OTUD7A: variants seen among roughly 807,000 people sequenced by gnomAD.
OTUD7A encodes OTU domain-containing protein 7A.
A neutral mutation model predicts 65.7 loss-of-function variants in OTUD7A; 12 were observed. The observed-to-expected ratio is 0.18, with a 90% CI of 0.12 to 0.30. The LOEUF is 0.30. Among genes scored for constraint, OTUD7A ranks in the 10% least tolerant of loss-of-function variants. OTUD7A has a pLI of 1.00. For missense variants in OTUD7A, 1,148 were observed against 1,304.8 expected (o/e 0.88, Z 1.85); for synonymous variants, 641 against 586.3 (o/e 1.09, Z -1.35).
rs922638295 is a variant in OTUD7A at position 31,503,612 on chromosome 15, G to C, written c.1021+79C>G. Reference sequence around the variant, plus strand: ...TTGTGGCCTCTGGGAGCTCGACCTTGTGCTGTGCTATCTGCTTTCTAGCTG... The same window carrying C: ...TTGTGGCCTCTGGGAGCTCGACCTTCTGCTGTGCTATCTGCTTTCTAGCTG... On this transcript the variant is annotated intron_variant, in intron 9 of 12. Transcript: ENST00000307050. 9.4e-5 allele frequency: 148 copies of C among 1,580,144 alleles called. No homozygotes were observed. The African/African-American group carries it at 1.9e-3, about 20-fold the overall frequency.
intron 8 of OTUD7A, among the ~76,000 whole-genome samples, chr15:31,521,068 G>T (rs937264288): frequency 1.6e-4 from 25 of 152,194 alleles, no homozygotes; most frequent in African/African-American, 6.0e-4. Context: ...ATAGCTGGGG[G>T]CTAAACAACG....
intron 3 of OTUD7A, among the ~76,000 whole-genome samples, chr15:31,622,497 G>T (rs1202792961): frequency 6.6e-6 from 1 of 151,956 alleles, no homozygotes; most frequent in African/African-American, 2.4e-5. Context: ...TTCTCTTCTT[G>T]CTTCATATCA....
In OTUD7A at chr15:31,566,195, GA is replaced by G. The variant is rs67409184; in HGVS notation, c.331+3822del. 8.4e-3 allele frequency among the ~76,000 whole-genome samples: 893 copies of G among 105,900 alleles called. 3 individuals are homozygous for G. The highest frequency in any genetic ancestry group is 0.017 in the South Asian group (47 of 2,760). The allele number at this position is 105,900 out of a possible 152,430, so 69.5% of individuals were successfully genotyped here. A position where few individuals can be genotyped will look rare whatever the true frequency, so the allele number is the denominator to read the frequency against. On this transcript the variant is annotated intron_variant, in intron 4 of 12. Coordinates refer to ENST00000307050, the MANE Select transcript of OTUD7A (RefSeq NM_001382637.1). The stretch of plus-strand genomic sequence containing the variant: ...GACAGAGTGAGACTCCATCTCAAAA[GA>G]AAAAAAAAAAAAAAAGAATATATTT...
intron 3 of OTUD7A, among the ~76,000 whole-genome samples, chr15:31,627,265 G>A (rs377200764): frequency 1.5e-3 from 164 of 106,936 alleles, no homozygotes; most frequent in Middle Eastern, 0.021. Context: ...AACAGTCCCC[G>A]GAGTGTGATG....
intron 5 of OTUD7A, 32 bp downstream of exon 5, chr15:31,558,937 A>C: frequency 6.2e-7 from 1 of 1,608,266 alleles, no homozygotes; most frequent in Non-Finnish European, 8.5e-7. Flanking sequence ...CCAAGCCTAA[A>C]GAGGGTGGGC....
chr15:31,597,280 T>C (rs562438961), intron 3 of OTUD7A, among the ~76,000 whole-genome samples: 25 of 152,174 alleles, frequency 1.6e-4, no homozygotes, highest in Non-Finnish European at 3.7e-4. Flanking sequence ...TTGGTGAAAT[T>C]CAATTCATCA....
intron 1 of OTUD7A, among the ~76,000 whole-genome samples, chr15:31,728,623 C>T (rs576084742): frequency 6.6e-6 from 1 of 152,320 alleles, no homozygotes; most frequent in African/African-American, 2.4e-5. Flanking sequence ...CCTCCTTGGC[C>T]CAGAATCTTT....
chr15:31,730,681 A>G (rs1894015864), intron 1 of OTUD7A, among the ~76,000 whole-genome samples: 1 of 152,202 alleles, frequency 6.6e-6, no homozygotes, highest in Non-Finnish European at 1.5e-5. Flanking sequence ...TTAAATCCCA[A>G]TGCTACTATT....
intron 3 of OTUD7A, among the ~76,000 whole-genome samples, chr15:31,609,451 C>T (rs905954545): frequency 2.0e-5 from 3 of 152,058 alleles, no homozygotes; most frequent in Non-Finnish European, 4.4e-5. Flanking sequence ...ACCGAATTGC[C>T]CCACTTCCCT....
At chr15:31,545,434 T>G (rs886505188) in intron 5 of OTUD7A, among the ~76,000 whole-genome samples, 3 of 152,084 alleles carry the variant, frequency 2.0e-5, no homozygotes, top group Admixed American at 6.6e-5. Context: ...TTAGTCATGA[T>G]CTTCTGTTCA....
intron 1 of OTUD7A, among the ~76,000 whole-genome samples, chr15:31,834,296 C>A (rs1305785884): frequency 1.3e-5 from 2 of 152,224 alleles, no homozygotes; most frequent in Non-Finnish European, 2.9e-5. Context: ...AGGAACAGAA[C>A]AGGAAGCTCC....
chr15:31,542,465 A>T (rs1188119515), intron 5 of OTUD7A, among the ~76,000 whole-genome samples: 1 of 152,096 alleles, frequency 6.6e-6, no homozygotes, highest in African/African-American at 2.4e-5. Context: ...AAGATAAGTA[A>T]GAAGCAACAA....
chr15:31,777,886 T>C (rs1230075692), intron 1 of OTUD7A, among the ~76,000 whole-genome samples: 1 of 152,098 alleles, frequency 6.6e-6, no homozygotes, highest in East Asian at 1.9e-4. Context: ...GCGGCTGCAT[T>C]TGCAAGCACC....
chr15:31,770,238 TGC>T (rs1895198344), intron 1 of OTUD7A, among the ~76,000 whole-genome samples: 2 of 152,122 alleles, frequency 1.3e-5, no homozygotes, highest in African/African-American at 4.8e-5. Context: ...GAGGGGACAC[TGC>T]TATCAAAACT....
intron 8 of OTUD7A, among the ~76,000 whole-genome samples, chr15:31,508,946 C>T (rs934071450): frequency 1.3e-5 from 2 of 152,196 alleles, no homozygotes; most frequent in Non-Finnish European, 2.9e-5. Context: ...CTTATTCGGC[C>T]GCCCTCGGGC....
intron 8 of OTUD7A, among the ~76,000 whole-genome samples, chr15:31,510,276 T>G (rs2041665173): frequency 6.6e-6 from 1 of 152,068 alleles, no homozygotes; most frequent in African/African-American, 2.4e-5. Context: ...GGCTTTTCTT[T>G]CTGCGACAGT....
chr15:31,586,143 T>C (rs376214974), intron 3 of OTUD7A, among the ~76,000 whole-genome samples: 8 of 152,282 alleles, frequency 5.3e-5, no homozygotes, highest in African/African-American at 1.9e-4. Context: ...AGTGAATCCA[T>C]TTATCTGGTT....
At chr15:31,524,507 G>A (rs575359126) in intron 8 of OTUD7A, among the ~76,000 whole-genome samples, 49 of 152,006 alleles carry the variant, frequency 3.2e-4, no homozygotes, top group African/African-American at 1.1e-3. Context: ...CCTAGCACAG[G>A]GCCCTCTTAT....
chr15:31,664,409 C>T (rs1892261705), intron 1 of OTUD7A, among the ~76,000 whole-genome samples: 1 of 152,006 alleles, frequency 6.6e-6, no homozygotes, highest in Non-Finnish European at 1.5e-5. Context: ...TTCCATTTCC[C>T]TGACCATTAG....
Sources: allele counts gnomAD v4.1 joint callset (sites outside exome capture counted in the v4.1 genomes callset), GRCh38; gene constraint gnomAD v4.1.1; transcripts MANE v1.5; gene names NCBI Gene and HGNC (gene_info 2026-07-23, HGNC 2026-07-21).